SYNPR: variants seen among roughly 807,000 people sequenced by gnomAD.
SYNPR encodes synaptoporin.
SYNPR carries 23 observed loss-of-function variants against 32.9 expected under a neutral mutation model. The ratio of observed to expected loss-of-function variants is 0.70; its 90% CI spans 0.50 to 0.99. The LOEUF is 0.99. SYNPR is among the 50% of genes least tolerant of loss of function. The pLI, the probability that SYNPR is intolerant of heterozygous loss-of-function variation, is 0.00. For missense variants in SYNPR, 318 were observed against 349.3 expected (o/e 0.91, Z 0.71); for synonymous variants, 146 against 135.9 (o/e 1.07, Z -0.52).
chr3:63,432,636 C>T (rs1575640986), intron 2 of SYNPR, among the ~76,000 whole-genome samples: 1 of 152,316 alleles, frequency 6.6e-6, no homozygotes, highest in African/African-American at 2.4e-5. Flanking sequence ...AGCATGCTCC[C>T]TGAAAGAGGC....
chr3:63,475,807 A>C (rs1700890421), intron 2 of SYNPR, among the ~76,000 whole-genome samples: 2 of 152,010 alleles, frequency 1.3e-5, no homozygotes, highest in Non-Finnish European at 1.5e-5. Flanking sequence ...ATATAACAGA[A>C]AGTTATTCTA....
chr3:63,517,521 G>A (rs1341427572), intron 3 of SYNPR, among the ~76,000 whole-genome samples: 1 of 152,090 alleles, frequency 6.6e-6, no homozygotes, highest in East Asian at 1.9e-4. Flanking sequence ...TATAAAAAGT[G>A]CCATGCAGAA....
At position 63,556,547 on chromosome 3, in the gene SYNPR, C is replaced by T; in HGVS notation, c.214C>T (p.His72Tyr). ...DIAFAYPFRL[H>Y]QVTFEVPTCE... ...TCCTTAAATCTGGCAATTTAGGTTG[C>T]ACCAGGTGACGTTTGAGGTGCCCAC... The change falls in exon 4 of 6, where the codon CAC becomes TAC. Residue 72 changes from histidine (H) to tyrosine (Y), a missense_variant. His to Tyr is a moderately conservative substitution (Grantham distance 83, BLOSUM62 2). Coordinates refer to ENST00000478300, the MANE Select transcript of SYNPR (RefSeq NM_001130003.2). 5 of 1,609,188 alleles carry T rather than the reference C, an allele frequency of 3.1e-6. No homozygotes were observed. Among genetic ancestry groups the T allele is most frequent in the Non-Finnish European group, 4.2e-6 (5 of 1,177,580 alleles).
intron 4 of SYNPR, among the ~76,000 whole-genome samples, chr3:63,575,648 G>T (rs1444856467): frequency 6.6e-6 from 1 of 152,086 alleles, no homozygotes; most frequent in African/African-American, 2.4e-5. Context: ...TTACTCAAAG[G>T]AAATTTAATC....
intron 3 of SYNPR, among the ~76,000 whole-genome samples, chr3:63,501,506 AAAAAAAAAG>A (rs1298398166): frequency 0.049 from 7,157 of 146,206 alleles, 567 homozygotes; most frequent in African/African-American, 0.17. Flanking sequence ...AAAAAAAAAA[AAAAAAAAAG>A]AAAAGAAAAA....
At chr3:63,415,656 G>A (rs1178045279) in intron 2 of SYNPR, among the ~76,000 whole-genome samples, 3 of 152,224 alleles carry the variant, frequency 2.0e-5, no homozygotes, top group Non-Finnish European at 2.9e-5. Context: ...AAAACAGCTG[G>A]TGGGCCTTAC....
intron 2 of SYNPR, among the ~76,000 whole-genome samples, chr3:63,370,250 A>T (rs1485039136): frequency 1.3e-5 from 2 of 152,162 alleles, no homozygotes; most frequent in African/African-American, 4.8e-5. Flanking sequence ...CCTGTGGAAG[A>T]TGTTTTTTTC....
the SYNPR span, among the ~76,000 whole-genome samples, chr3:63,222,783 C>T: frequency 6.6e-6 from 1 of 152,124 alleles, no homozygotes; most frequent in African/African-American, 2.4e-5. Context: ...TCTCAAAGTA[C>T]TGGGATTACA....
intron 2 of SYNPR, among the ~76,000 whole-genome samples, chr3:63,393,496 C>CTTTTTTTTTTTTTTTTTTTTTTT (rs71631152): frequency 5.9e-5 from 5 of 84,508 alleles, no homozygotes; most frequent in African/African-American, 2.8e-4. Context: ...TCTTTCTTCT[C>CTTTTTTTTTTTTTTTTTTTTTTT]TTTTTTTTTT....
intron 2 of SYNPR, among the ~76,000 whole-genome samples, chr3:63,380,532 GT>G (rs1193106647): frequency 6.6e-6 from 1 of 152,128 alleles, no homozygotes; most frequent in African/African-American, 2.4e-5. Flanking sequence ...TTTTGATGGT[GT>G]TGTTTGTTTT....
At chr3:63,374,591 G>C (rs1230717985) in intron 2 of SYNPR, among the ~76,000 whole-genome samples, 1 of 151,978 alleles carries the variant, frequency 6.6e-6, no homozygotes, top group Non-Finnish European at 1.5e-5. Context: ...TAAAATAAAA[G>C]TTAAAAAAAG....
At chr3:63,511,101 A>T (rs2106753912) in intron 3 of SYNPR, among the ~76,000 whole-genome samples, 1 of 152,156 alleles carries the variant, frequency 6.6e-6, no homozygotes, top group East Asian at 1.9e-4. Context: ...TAATAAGGTT[A>T]TTGAGTGATA....
At chr3:63,411,806 T>C (rs188915257) in intron 2 of SYNPR, among the ~76,000 whole-genome samples, 1 of 152,012 alleles carries the variant, frequency 6.6e-6, no homozygotes, top group African/African-American at 2.4e-5. Context: ...ACATGCAGAG[T>C]CTTGAAGATC....
chr3:63,276,906 C>T (rs2086580292), upstream of SYNPR, among the ~76,000 whole-genome samples: 2 of 133,462 alleles, frequency 1.5e-5, no homozygotes, highest in South Asian at 2.7e-4. Flanking sequence ...TACCCACCCC[C>T]CCCACCAACA....
intron 2 of SYNPR, among the ~76,000 whole-genome samples, chr3:63,455,733 C>T (rs1158887486): frequency 2.1e-5 from 3 of 143,948 alleles, no homozygotes; most frequent in Non-Finnish European, 4.5e-5. Context: ...TCTGATTTTG[C>T]TTCTGTACAT....
chr3:63,294,634 T>C (rs1046058720), intron 2 of SYNPR, among the ~76,000 whole-genome samples: 1 of 152,174 alleles, frequency 6.6e-6, no homozygotes, highest in East Asian at 1.9e-4. Flanking sequence ...GAGAGGCAAG[T>C]ACTGAGGCTT....
chr3:63,422,429 G>T (rs1699816782), intron 2 of SYNPR, among the ~76,000 whole-genome samples: 1 of 152,148 alleles, frequency 6.6e-6, no homozygotes, highest in African/African-American at 2.4e-5. Context: ...ATAAAAAATT[G>T]AGAAAGAAAT....
intron 2 of SYNPR, among the ~76,000 whole-genome samples, chr3:63,458,228 CTT>C (rs926438100): frequency 2.7e-4 from 41 of 152,258 alleles, no homozygotes; most frequent in Middle Eastern, 3.4e-3. Flanking sequence ...GACACTCTCT[CTT>C]GGAGTGTATG....
intron 2 of SYNPR, among the ~76,000 whole-genome samples, chr3:63,335,115 G>A (rs1193214214): frequency 6.6e-6 from 1 of 152,174 alleles, no homozygotes; most frequent in Non-Finnish European, 1.5e-5. Flanking sequence ...AGCACTTTGG[G>A]AGGCCGAGGC....
Sources: gnomAD v4.1 joint callset for allele counts (sites outside exome capture counted in the v4.1 genomes callset) on GRCh38, gnomAD v4.1.1 for gene constraint, MANE v1.5 for transcripts, NCBI Gene and HGNC (gene_info 2026-07-23, HGNC 2026-07-21) for gene names.